Variants in PSMG4 observed in about 807,000 individuals in gnomAD.
PSMG4 encodes proteasome (prosome, macropain) assembly chaperone 4.
A neutral mutation model predicts 11.0 loss-of-function variants in PSMG4; 10 were observed. That is an observed-to-expected ratio of 0.91 (90% CI 0.56 to 1.54). The LOEUF (loss-of-function observed/expected upper bound fraction) is 1.54, where lower values mean the gene tolerates loss of function less well. Ranked by LOEUF, PSMG4 falls within the 40% of genes most tolerant of loss-of-function variation. PSMG4 has a pLI of 0.00. For synonymous variants in PSMG4, 95 were observed against 71.3 expected (o/e 1.33, Z -1.68); for missense variants, 198 against 160.9 (o/e 1.23, Z -1.25).
chr6:3,263,496 A>G (rs13215787), intron 1 of PSMG4, among the ~76,000 whole-genome samples, 188 bp from the exon 2 acceptor site: 103,988 of 152,110 alleles, frequency 0.68, 38,529 homozygotes, highest in Non-Finnish European at 0.83. Context: ...CGCTGACCTC[A>G]TATGCGACAT....
chr6:3,265,810 A>G (rs965253707), intron 2 of PSMG4: 2 of 152,170 alleles, frequency 1.3e-5, no homozygotes, highest in African/African-American at 2.4e-5. Context: ...CCTCGGGGGC[A>G]CACTGCACCC....
chr6:3,264,213 C>G (rs745496696), intron 2 of PSMG4: 3 of 1,551,548 alleles, frequency 1.9e-6, no homozygotes, highest in Non-Finnish European at 2.6e-6. Context: ...GTTCAGGGCT[C>G]GGAGGGAAGA....
At chr6:3,255,020 G>A (rs1581539791), upstream of PSMG4, 1 of 1,547,982 alleles carries the variant, frequency 6.5e-7, no homozygotes, top group Non-Finnish European at 8.7e-7. Context: ...GGGAGCGCTG[G>A]GATAATGGCG....
intron 2 of PSMG4, chr6:3,264,547 C>G (rs1758113463): frequency 5.0e-6 from 4 of 799,778 alleles, no homozygotes; most frequent in Middle Eastern, 3.9e-4. Context: ...GGCACCTGGC[C>G]CAGGGGGAAG....
chr6:3,255,664 T>A (rs1214375196), upstream of PSMG4, among the ~76,000 whole-genome samples: 5 of 152,320 alleles, frequency 3.3e-5, no homozygotes, highest in Non-Finnish European at 4.4e-5. Flanking sequence ...TCCGAGAGCC[T>A]TAAGTGATTT....
chr6:3,257,578 C>A (rs972049029), upstream of PSMG4, among the ~76,000 whole-genome samples: 1 of 152,104 alleles, frequency 6.6e-6, no homozygotes, highest in Non-Finnish European at 1.5e-5. Flanking sequence ...TACAAAGACA[C>A]AAGCCATTGA....
chr6:3,255,343 A>G (rs908911787), upstream of PSMG4: 25 of 1,456,398 alleles, frequency 1.7e-5, no homozygotes, highest in East Asian at 2.5e-5. Flanking sequence ...GAGTCATTCT[A>G]TGTAGTTGCT....
intron 2 of PSMG4, chr6:3,265,976 C>G (rs867656878): frequency 1.3e-4 from 20 of 150,702 alleles, no homozygotes; most frequent in African/African-American, 4.9e-4. Context: ...ACATGTCATA[C>G]AATTCAGCAG....
intron 1 of PSMG4, among the ~76,000 whole-genome samples, chr6:3,261,233 C>T (rs1340572312): frequency 7.1e-6 from 1 of 141,202 alleles, no homozygotes; most frequent in South Asian, 2.3e-4. Flanking sequence ...TTTTCCTTTT[C>T]CTTTTTTCTT....
chr6:3,255,431 A>C (rs547574531), upstream of PSMG4, among the ~76,000 whole-genome samples: 1 of 142,462 alleles, frequency 7.0e-6, no homozygotes, highest in African/African-American at 2.4e-5. Context: ...CACTCCAGCC[A>C]CATGCCCCTT....
chr6:3,264,911 T>TA, intron 2 of PSMG4: 1 of 153,106 alleles, frequency 6.5e-6, no homozygotes, highest in Non-Finnish European at 1.5e-5. Flanking sequence ...GTAGCACACT[T>TA]ACATGGAACA....
chr6:3,255,279 G>T (rs757458398), upstream of PSMG4: 1 of 1,539,488 alleles, frequency 6.5e-7, no homozygotes, highest in Non-Finnish European at 8.8e-7. Context: ...TGTCTTACGG[G>T]TCTATCGGTG....
chr6:3,261,533 A>G (rs1156289432), intron 1 of PSMG4, among the ~76,000 whole-genome samples: 1 of 152,166 alleles, frequency 6.6e-6, no homozygotes, highest in Non-Finnish European at 1.5e-5. Context: ...CCAGTGAGGT[A>G]TATTTTCTCA....
chr6:3,259,699 T>C (rs760527762), intron 1 of PSMG4, among the ~76,000 whole-genome samples: 4 of 152,194 alleles, frequency 2.6e-5, no homozygotes, highest in Non-Finnish European at 4.4e-5. Context: ...CTCGCAGTTG[T>C]CTTTGATTCC....
intron 1 of PSMG4, among the ~76,000 whole-genome samples, chr6:3,262,033 C>T (rs11751677): frequency 0.68 from 104,004 of 152,152 alleles, 38,535 homozygotes; most frequent in Non-Finnish European, 0.83. Context: ...CCATGCAACC[C>T]GGAGCTGGCT....
At chr6:3,259,312 C>G (rs1054378178) in intron 1 of PSMG4, 116 bp downstream of exon 1, 1 of 965,910 alleles carries the variant, frequency 1.0e-6, no homozygotes, top group Non-Finnish European at 1.3e-6. Context: ...CCTACTCCCC[C>G]GAAGCCCACC....
chr6:3,258,610 TGCGGCTG>T (rs917772478), upstream of PSMG4, among the ~76,000 whole-genome samples: 17 of 152,098 alleles, frequency 1.1e-4, no homozygotes, highest in African/African-American at 4.1e-4. Flanking sequence ...GGGAGGACGG[TGCGGCTG>T]GCTTCAGCCC....
chr6:3,258,354 G>C (rs952656075), upstream of PSMG4, among the ~76,000 whole-genome samples: 1 of 152,172 alleles, frequency 6.6e-6, no homozygotes, highest in Non-Finnish European at 1.5e-5. Flanking sequence ...GTCCAAAAGG[G>C]TGCCTGCCCA....
intron 1 of PSMG4, among the ~76,000 whole-genome samples, chr6:3,261,647 T>A (rs1183342133): frequency 3.3e-5 from 5 of 152,172 alleles, no homozygotes; most frequent in African/African-American, 4.8e-5. Flanking sequence ...GGCCGCAGTG[T>A]GCCTGGGTGT....
Sources: allele counts gnomAD v4.1 joint callset (sites outside exome capture counted in the v4.1 genomes callset), GRCh38; gene constraint gnomAD v4.1.1; transcripts MANE v1.5; gene names NCBI Gene and HGNC (gene_info 2026-07-23, HGNC 2026-07-21).